PPP4C: variants seen among roughly 807,000 people sequenced by gnomAD.
PPP4C encodes serine/threonine-protein phosphatase 4 catalytic subunit.
In PPP4C, 10 loss-of-function variants were observed where a neutral mutation model predicts 40.5. The ratio of observed to expected loss-of-function variants is 0.25; its 90% CI spans 0.15 to 0.42. The LOEUF (loss-of-function observed/expected upper bound fraction) is 0.42, where lower values mean the gene tolerates loss of function less well. PPP4C is among the 10% of genes least tolerant of loss of function. The pLI is 1.00. For missense variants in PPP4C, 191 were observed against 416.4 expected (o/e 0.46, Z 4.71); for synonymous variants, 187 against 163.6 (o/e 1.14, Z -1.09).
intron 2 of PPP4C, 111 bp from the exon 3 acceptor site, chr16:30,081,148 G>GC: frequency 6.8e-7 from 1 of 1,480,454 alleles, no homozygotes; most frequent in Non-Finnish European, 9.3e-7. Flanking sequence ...CTTCACTCCT[G>GC]CCCCCTGGAG....
intron 2 of PPP4C, among the ~76,000 whole-genome samples, chr16:30,078,619 C>T (rs551869640): frequency 1.3e-4 from 20 of 152,310 alleles, no homozygotes; most frequent in African/African-American, 4.3e-4. Flanking sequence ...CTGGTGGTGT[C>T]AAGAGCACCA....
Position 30,083,342 on chromosome 16 carries a change from A to G in PPP4C, c.304-52A>G. The G allele has an allele frequency of 1.3e-6, 2 of 1,569,952 alleles. No individual in the cohort carries two copies. Among genetic ancestry groups the G allele is most frequent in the South Asian group, 1.1e-5 (1 of 87,564 alleles). ...GCGGGCACGAGGAGGTCAGAGAGGGATGTGTGGAGAGACCGTCTAGGCGCC... is the reference window on the plus strand; with the variant it reads ...GCGGGCACGAGGAGGTCAGAGAGGGGTGTGTGGAGAGACCGTCTAGGCGCC... On this transcript the variant is annotated intron_variant, in intron 5 of 8. Transcript: ENST00000279387. The surrounding 1 kb of genome is among the most constrained non-coding windows in gnomAD (Gnocchi z 6.3).
At chr16:30,076,598 A>G in intron 2 of PPP4C, 123 bp downstream of exon 2, 1 of 953,750 alleles carries the variant, frequency 1.0e-6, no homozygotes. Context: ...GAGGAGCAGG[A>G]TGGAGCCGCT....
rs80309734 is a variant in PPP4C, at chr16:30,076,545, A to G, written c.98+70A>G. 1.0e-3 allele frequency: 1,485 copies of G among 1,464,714 alleles called. 12 individuals are homozygous for G. The African/African-American group carries it at 0.019, about 18-fold the overall frequency. The allele number at this position is 1,464,714 out of a possible 1,614,324, so 90.7% of individuals were successfully genotyped here. ...CGGGTTCTGGCCTGGGGCAAACCCA[A>G]CTGAGAACTTTGGGCTTGCCTCGTT... On this transcript the variant is annotated intron_variant, in intron 2 of 8. Transcript: ENST00000279387.
rs1432853747 is a variant in PPP4C at position 30,080,798 on chromosome 16, C to A, written c.99-461C>A. Among the ~76,000 whole-genome samples, 16 of 152,236 alleles carry A rather than the reference C, an allele frequency of 1.1e-4. No homozygotes were observed. In the South Asian group the frequency reaches 3.1e-3, roughly 30 times the overall value. On this transcript the variant is annotated intron_variant, in intron 2 of 8. Transcript: ENST00000279387. ...GGGATTACAGGCATGAGCCACCGCA[C>A]CTGGCCAAGAGCGCATCACTTTGAA...
Position 30,083,019 on chromosome 16 carries a change from C to T in PPP4C, c.303+172C>T, listed in dbSNP as rs1190499668. The T allele has an allele frequency of 1.6e-6, 1 of 622,422 alleles. No individual in the cohort carries two copies. Among genetic ancestry groups the T allele is most frequent in the Admixed American group, 3.0e-5 (1 of 33,454 alleles). The allele number at this position is 622,422 out of a possible 1,614,324, so 38.6% of individuals were successfully genotyped here. A position where few individuals can be genotyped will look rare whatever the true frequency, so the allele number is the denominator to read the frequency against. On this transcript the variant is annotated intron_variant, in intron 5 of 8. Transcript: ENST00000279387. The surrounding 1 kb of genome is among the most constrained non-coding windows in gnomAD (Gnocchi z 6.3). ...TCAGAGACTTGATGGGGGTTGAGGC[C>T]AGCGGGGCAGCATTCTGGGAGGGGC...
chr16:30,081,599 C>T (rs2072507194), intron 3 of PPP4C: 1 of 268,344 alleles, frequency 3.7e-6, no homozygotes. Context: ...AAAAATTAGC[C>T]ACGCGTGGTG....
At chr16:30,082,276 C>G (rs934549687) in intron 3 of PPP4C, among the ~76,000 whole-genome samples, 1 of 152,138 alleles carries the variant, frequency 6.6e-6, no homozygotes, top group African/African-American at 2.4e-5. Flanking sequence ...AGTTCTAGCT[C>G]TTGCCTACAG....
At chr16:30,076,225 G>A (rs1334058167) in intron 1 of PPP4C, 90 bp from the exon 2 acceptor site, 1 of 742,242 alleles carries the variant, frequency 1.3e-6, no homozygotes, top group East Asian at 2.8e-5. Flanking sequence ...GGAGGCGGGG[G>A]TGGGGGAGCC....
At chr16:30,080,602 G>T (rs998694984) in intron 2 of PPP4C, among the ~76,000 whole-genome samples, 6 of 150,644 alleles carry the variant, frequency 4.0e-5, no homozygotes, top group African/African-American at 1.5e-4. Context: ...CACCTCCCAG[G>T]TTCAAGCGAT....
intron 3 of PPP4C, 80 bp from the exon 4 acceptor site, chr16:30,082,404 C>T: frequency 7.0e-7 from 1 of 1,421,414 alleles, no homozygotes; most frequent in Non-Finnish European, 1.0e-6. Flanking sequence ...ATAAAGCTCA[C>T]TAAAGCAGCG....
Position 30,083,017 on chromosome 16 carries a change from G to A in PPP4C, c.303+170G>A. ...GGTCAGAGACTTGATGGGGGTTGAG[G>A]CCAGCGGGGCAGCATTCTGGGAGGG... On this transcript the variant is annotated intron_variant, in intron 5 of 8. Coordinates refer to ENST00000279387, the MANE Select transcript of PPP4C (RefSeq NM_002720.3). The surrounding 1 kb of genome is among the most constrained non-coding windows in gnomAD (Gnocchi z 6.3). The A allele has an allele frequency of 1.6e-6, 1 of 629,080 alleles. No individual in the cohort carries two copies. The highest frequency in any genetic ancestry group is 2.0e-5 in the South Asian group (1 of 51,218). 39.0% of individuals were successfully genotyped at this position (629,080 alleles called of 1,614,324 possible).
intron 7 of PPP4C, 82 bp from the exon 8 acceptor site, chr16:30,084,584 A>G (rs2072582450): frequency 9.7e-6 from 13 of 1,344,942 alleles, no homozygotes; most frequent in African/African-American, 1.4e-5. Flanking sequence ...GGGAGGGGCC[A>G]GGCTGCTCAC....
intron 5 of PPP4C, 37 bp downstream of exon 5, chr16:30,082,884 G>C (rs200991299): frequency 8.3e-6 from 13 of 1,571,038 alleles, no homozygotes; most frequent in African/African-American, 5.4e-5. Flanking sequence ...CAACCTGGGC[G>C]ACCTCGGGCC....
Position 30,083,664 on chromosome 16 carries a change from G to T in PPP4C, c.487G>T (p.Val163Leu). ...CTGCTCTCCCCTGTAGATCTTCTGC[G>T]TGCACGGGGGCCTCTCCCCCTCCAT... ...SAIIDGKIFC[V>L]HGGLSPSIQT... is the part of the protein sequence containing the mutation. Residue 163 changes from valine to leucine, a missense_variant, in exon 7 of 9, where the codon GTG (valine) becomes TTG (leucine). Physicochemically the swap from Val to Leu is conservative, Grantham distance 32. Transcript: ENST00000279387. The surrounding 1 kb of genome is among the most constrained non-coding windows in gnomAD (Gnocchi z 6.3). 6.2e-7 allele frequency: 1 copy of T among 1,614,174 alleles called. No individual in the cohort carries two copies. Among genetic ancestry groups the T allele is most frequent in the Non-Finnish European group, 8.5e-7 (1 of 1,180,032 alleles).
In PPP4C at chr16:30,084,768, G is replaced by C; in HGVS notation, c.707G>C (p.Arg236Pro). 1 of 1,614,238 alleles carries C rather than the reference G, an allele frequency of 6.2e-7. No homozygotes were observed. The highest frequency in any genetic ancestry group is 8.5e-7 in the Non-Finnish European group (1 of 1,180,040). ...GCCAATGACATTGACATGATCTGCC[G>C]TGCCCACCAACTGGTGATGGAAGGT... ...NAANDIDMICRAHQLVMEGYK... is the reference protein window; with the variant it reads ...NAANDIDMICPAHQLVMEGYK... The change falls in exon 8 of 9, where the codon CGT (arginine) becomes CCT (proline). Residue 236 changes from arginine to proline, a missense_variant. Physicochemically the swap from Arg to Pro is moderately radical, Grantham distance 103 (BLOSUM62 -2). Transcript: ENST00000279387.
chr16:30,076,202 G>A, intron 1 of PPP4C, 108 bp downstream of exon 1: 1 of 647,462 alleles, frequency 1.5e-6, no homozygotes, highest in Non-Finnish European at 2.6e-6. Context: ...GGGGTCCTGG[G>A]GCCGATGTGA....
At position 30,084,709 on chromosome 16, in the gene PPP4C, A is replaced by G. The variant is rs754209499; in HGVS notation, c.648A>G (p.Leu216=). The G allele has an allele frequency of 2.2e-5, 36 of 1,614,196 alleles. 1 individual carries two copies. The East Asian group carries it at 6.0e-4, about 27-fold the overall frequency. The part of the protein sequence containing the change: ...WGVSPRGAGY[L]FGSDVVAQFN... ...TGAGCCCCCGAGGAGCCGGCTACCT[A>G]TTTGGCAGTGACGTGGTGGCCCAGT... The change falls in exon 8 of 9, where the codon CTA becomes CTG. Residue 216 remains leucine (L), a synonymous_variant. Transcript: ENST00000279387.
chr16:30,082,059 A>C (rs2072519115), intron 3 of PPP4C, among the ~76,000 whole-genome samples: 1 of 134,566 alleles, frequency 7.4e-6, no homozygotes, highest in Non-Finnish European at 1.7e-5. Flanking sequence ...CGTCTAAAAA[A>C]AAAAAAAAGA....
Sources: allele counts gnomAD v4.1 joint callset (sites outside exome capture counted in the v4.1 genomes callset), GRCh38; gene constraint gnomAD v4.1.1; non-coding constraint Gnocchi (gnomAD v3.1); transcripts MANE v1.5; gene names NCBI Gene and HGNC (gene_info 2026-07-23, HGNC 2026-07-21).